Variants in WNK1 observed in about 807,000 individuals in gnomAD.
WNK1 encodes the protein WNK lysine deficient protein kinase 1.
In WNK1, 38 loss-of-function variants were observed where a neutral mutation model predicts 222.8. The ratio of observed to expected loss-of-function variants is 0.17; its 90% CI spans 0.13 to 0.22. The LOEUF (loss-of-function observed/expected upper bound fraction) is 0.22, where lower values mean the gene tolerates loss of function less well. Among genes scored for constraint, WNK1 ranks in the 10% least tolerant of loss-of-function variants. The pLI, the probability that WNK1 is intolerant of heterozygous loss-of-function variation, is 1.00. For missense variants in WNK1, 2,348 were observed against 2,918.4 expected (o/e 0.80, Z 4.50); for synonymous variants, 1,090 against 1,092.9 (o/e 1.00, Z 0.05).
At chr12:826,405 G>T (rs77783176) in intron 2 of WNK1, among the ~76,000 whole-genome samples, 2,661 of 152,256 alleles carry the variant, frequency 0.017, 39 homozygotes, top group Non-Finnish European at 0.028. Context: ...TCTGTCTGGG[G>T]TTTAGCAGAC....
chr12:903,744 A>G (rs1955465947), intron 26 of WNK1, among the ~76,000 whole-genome samples: 1 of 152,152 alleles, frequency 6.6e-6, no homozygotes, highest in African/African-American at 2.4e-5. Context: ...AACAAATCCC[A>G]AGAGACATAC....
intron 4 of WNK1, among the ~76,000 whole-genome samples, chr12:847,141 A>G (rs545829723): frequency 2.6e-5 from 4 of 152,330 alleles, no homozygotes; most frequent in African/African-American, 9.6e-5. Flanking sequence ...AATAATTATT[A>G]AATCATTATT....
chr12:814,547 C>T (rs1947181569), intron 2 of WNK1, among the ~76,000 whole-genome samples: 3 of 151,884 alleles, frequency 2.0e-5, no homozygotes, highest in Non-Finnish European at 4.4e-5. Context: ...GAAATTAATC[C>T]CCAAATAGCT....
Position 894,551 on chromosome 12 carries a change from ATTTG to A in WNK1, c.5510-7_5510-4del, listed in dbSNP as rs1592219606. ...ACACTTATGTTTTCCTCATCCATGT[ATTTG>A]TTTCAGTTTCTCAAGTCAAAGAAGG... On this transcript the variant is annotated splice_region_variant and splice_polypyrimidine_tract_variant and intron_variant, in intron 22 of 27. Coordinates refer to ENST00000315939, the MANE Select transcript of WNK1 (RefSeq NM_018979.4). 2 of 1,612,060 alleles carry A rather than the reference ATTTG, an allele frequency of 1.2e-6. No individual in the cohort carries two copies. The highest frequency in any genetic ancestry group is 1.7e-6 in the Non-Finnish European group (2 of 1,178,240).
Position 883,302 on chromosome 12 carries a change from A to T in WNK1, c.3490-93A>T, listed in dbSNP as rs1384419342. The stretch of plus-strand genomic sequence containing the variant: ...ACTTGAGTACAAAATAAATAAAAAT[A>T]TAGGTAAGTATGCAGATAGGACAGA... On this transcript the variant is annotated intron_variant, in intron 15 of 27. Transcript: ENST00000315939. 5 of 1,402,400 alleles carry T rather than the reference A, an allele frequency of 3.6e-6. No individual in the cohort carries two copies. The Admixed American group carries it at 8.9e-5, about 25-fold the overall frequency. The allele number at this position is 1,402,400 out of a possible 1,614,324, so 86.9% of individuals were successfully genotyped here.
chr12:753,530 A>G lies in WNK1; in HGVS notation c.-36A>G. ...CCCTTCACGCCCTTTTCGTTCACGA[A>G]TCCGAGCCCGCTCGCCTCTCTCCAG... On this transcript the variant is annotated 5_prime_UTR_variant, in exon 1 of 28. Coordinates refer to ENST00000315939, the MANE Select transcript of WNK1 (RefSeq NM_018979.4). The surrounding 1 kb of genome is among the most constrained non-coding windows in gnomAD (Gnocchi z 5.2). 6.2e-7 allele frequency: 1 copy of G among 1,610,760 alleles called. No homozygotes were observed. Among genetic ancestry groups the G allele is most frequent in the Middle Eastern group, 2.0e-4 (1 of 5,110 alleles).
At chr12:901,488 GT>G in intron 26 of WNK1, 1 of 1,112,746 alleles carries the variant, frequency 9.0e-7, no homozygotes, top group South Asian at 1.4e-5. Flanking sequence ...CCAGCCTCAA[GT>G]TTCTAACATC....
chr12:788,182 A>G (rs997890232), intron 1 of WNK1, among the ~76,000 whole-genome samples: 3 of 152,184 alleles, frequency 2.0e-5, no homozygotes, highest in African/African-American at 7.2e-5. Context: ...CATATCTACA[A>G]AAATACCTTT....
At chr12:847,104 G>A (rs1016401043) in intron 4 of WNK1, among the ~76,000 whole-genome samples, 2 of 152,146 alleles carry the variant, frequency 1.3e-5, no homozygotes, top group Admixed American at 1.3e-4. Context: ...AAAGGTGGTA[G>A]CATTCCCAGT....
Position 754,098 on chromosome 12 carries a change from C to T in WNK1, c.533C>T (p.Pro178Leu), listed in dbSNP as rs1435492464. ...QPSLVGSKEE[P>L]PPARSGSGGG... is the part of the protein sequence containing the mutation. ...AGCCTTGTGGGGAGCAAAGAGGAGCCGCCGCCGGCGAGAAGTGGCAGCGGC... is the reference window on the plus strand; with the variant it reads ...AGCCTTGTGGGGAGCAAAGAGGAGCTGCCGCCGGCGAGAAGTGGCAGCGGC... Residue 178 changes from proline (P) to leucine (L), a missense_variant, in exon 1 of 28, where the codon CCG becomes CTG. Transcript: ENST00000315939. 1.9e-6 allele frequency: 3 copies of T among 1,611,184 alleles called. No individual in the cohort carries two copies. The highest frequency in any genetic ancestry group is 2.5e-6 in the Non-Finnish European group (3 of 1,179,458).
intron 1 of WNK1, among the ~76,000 whole-genome samples, chr12:757,350 G>T (rs1262218850): frequency 5.1e-5 from 1 of 19,600 alleles, no homozygotes; most frequent in African/African-American, 1.0e-4. Context: ...AAAAAGAGAC[G>T]GAGTCTTGCT....
chr12:831,346 T>C (rs1414884272), intron 4 of WNK1, among the ~76,000 whole-genome samples: 6 of 152,234 alleles, frequency 3.9e-5, no homozygotes, highest in Middle Eastern at 3.4e-3. Flanking sequence ...GAGACTAGAC[T>C]GGCCAACATG....
intron 26 of WNK1, among the ~76,000 whole-genome samples, chr12:907,565 G>A (rs1760570648): frequency 1.3e-5 from 2 of 152,210 alleles, no homozygotes; most frequent in Non-Finnish European, 2.9e-5. Context: ...ATACTCTTAG[G>A]TGCTTTGTGA....
At chr12:832,597 A>G (rs1487283428) in intron 4 of WNK1, among the ~76,000 whole-genome samples, 1 of 152,222 alleles carries the variant, frequency 6.6e-6, no homozygotes, top group African/African-American at 2.4e-5. Context: ...GAGGTTTCAT[A>G]CCCAGTAAAA....
chr12:788,819 G>A (rs377279491), intron 1 of WNK1, among the ~76,000 whole-genome samples: 7 of 151,692 alleles, frequency 4.6e-5, no homozygotes, highest in Non-Finnish European at 7.4e-5. Flanking sequence ...CCCAGGAGGC[G>A]GAGGTTGCAG....
intron 24 of WNK1, 112 bp downstream of exon 24, chr12:896,844 T>A: frequency 8.1e-7 from 1 of 1,230,036 alleles, no homozygotes; most frequent in Non-Finnish European, 1.1e-6. Context: ...TCATTTCTTT[T>A]AAAGAGACAG....
At chr12:759,868 AAATG>A (rs1940773835) in intron 1 of WNK1, among the ~76,000 whole-genome samples, 1 of 148,234 alleles carries the variant, frequency 6.7e-6, no homozygotes, top group Non-Finnish European at 1.5e-5. Flanking sequence ...TGTGCTGATT[AAATG>A]AATGAACATA....
rs577104379 is a variant in WNK1 at position 884,008 on chromosome 12, A to G, written c.3722-113A>G. 1.4e-4 allele frequency: 217 copies of G among 1,539,046 alleles called. 1 individual carries two copies. The South Asian group carries it at 2.3e-3, about 16-fold the overall frequency. On this transcript the variant is annotated intron_variant, in intron 17 of 27. Coordinates refer to ENST00000315939, the MANE Select transcript of WNK1 (RefSeq NM_018979.4). The surrounding 1 kb of genome is among the most constrained non-coding windows in gnomAD (Gnocchi z 5.6). ...GCGCCACTGCACTCCAGCCTGGGTG[A>G]GAGAATGAGACCGTGCCTCAAAAAA...
chr12:867,732 ATT>A lies in WNK1; in HGVS notation c.2140-3532_2140-3531del, dbSNP rs968886507. ...TACTATGCACATAATTTCCAGAAGC[ATT>A]GTTATTTATTTATTAATTATAAATT... On this transcript the variant is annotated intron_variant, in intron 8 of 27. Transcript: ENST00000315939. 3 of 995,202 alleles carry A rather than the reference ATT, an allele frequency of 3.0e-6. No individual in the cohort carries two copies. The African/African-American group carries it at 4.9e-5, about 16-fold the overall frequency. The allele number at this position is 995,202 out of a possible 1,614,324, so 61.6% of individuals were successfully genotyped here.
Sources: allele counts gnomAD v4.1 joint callset (sites outside exome capture counted in the v4.1 genomes callset), GRCh38; gene constraint gnomAD v4.1.1; non-coding constraint Gnocchi (gnomAD v3.1); transcripts MANE v1.5; gene names NCBI Gene and HGNC (gene_info 2026-07-23, HGNC 2026-07-21).